COL24A1: variants seen among roughly 807,000 people sequenced by gnomAD.
COL24A1 encodes the protein collagen type XXIV alpha 1 chain, also known as collagen alpha-1(XXIV) chain.
Under a neutral mutation model 253.9 loss-of-function variants are expected in COL24A1, and 224 were observed. The ratio of observed to expected loss-of-function variants is 0.88; its 90% CI spans 0.79 to 0.99. The LOEUF is 0.99. COL24A1 is among the 50% of genes least tolerant of loss of function. The probability of loss-of-function intolerance (pLI) is 0.00; values close to 1 mark genes in which losing one functional copy is unlikely to be tolerated. For synonymous variants in COL24A1, 685 were observed against 673.7 expected, an observed-to-expected ratio of 1.02 and a Z score of -0.26; for missense variants, 2,131 against 2,068.5, an observed-to-expected ratio of 1.03 and a Z score of -0.59.
At position 86,125,117 on chromosome 1, in the gene COL24A1, T is replaced by A. The variant is rs1448025250; in HGVS notation, c.1219A>T (p.Asn407Tyr). 2 of 1,612,610 alleles carry A rather than the reference T, an allele frequency of 1.2e-6. No individual in the cohort carries two copies. The highest frequency in any genetic ancestry group is 4.5e-5 in the East Asian group (2 of 44,820). ...TTTGCTGTGATAGCCTTCTTGAGAT[T>A]AGTAATTGTATCTTGTTTAATTTGT... The part of the protein sequence containing the change: ...LPQIKQDTIT[N>Y]LKKAITANLH... The change falls in exon 3 of 60, where the codon AAT becomes TAT. Residue 407 changes from asparagine (N) to tyrosine (Y), a missense_variant. Physicochemically the swap from Asn to Tyr is moderately radical, Grantham distance 143 (BLOSUM62 -2). Transcript: ENST00000370571.
intron 20 of COL24A1, among the ~76,000 whole-genome samples, chr1:85,986,970 T>C (rs1693771858): frequency 6.6e-6 from 1 of 151,896 alleles, no homozygotes; most frequent in Non-Finnish European, 1.5e-5. Context: ...GCTAGGGATA[T>C]TTCCTAGTAT....
Position 85,842,370 on chromosome 1 carries a change from A to C in COL24A1, c.3486T>G (p.Pro1162=). 1.2e-6 allele frequency: 2 copies of C among 1,601,128 alleles called. No homozygotes were observed. Among genetic ancestry groups the C allele is most frequent in the Middle Eastern group, 1.7e-4 (1 of 6,010 alleles). The change falls in exon 40 of 60, where the codon CCT becomes CCG. Residue 1162 remains proline (P), a synonymous_variant. Coordinates refer to ENST00000370571, the MANE Select transcript of COL24A1 (RefSeq NM_152890.7). ...GAVGHLGLMG[P]DGEPGIPGYR... is the part of the protein sequence containing the mutation. ...ACCCTGGAATTCCTGGTTCTCCATC[A>C]GGTCCCATCAATCCTAAATGTCCCT...
chr1:85,822,945 C>T (rs1404484669), intron 45 of COL24A1, among the ~76,000 whole-genome samples: 2 of 152,072 alleles, frequency 1.3e-5, no homozygotes, highest in African/African-American at 4.8e-5. Flanking sequence ...TTCCCCTGGC[C>T]CCTGGTGTTT....
intron 5 of COL24A1, among the ~76,000 whole-genome samples, chr1:86,102,703 T>C (rs1206119865): frequency 6.6e-6 from 1 of 152,228 alleles, no homozygotes; most frequent in Non-Finnish European, 1.5e-5. Flanking sequence ...GCAATTTTCT[T>C]AGCCTGGATT....
chr1:86,077,795 A>C (rs576976935), intron 7 of COL24A1, among the ~76,000 whole-genome samples: 1 of 151,954 alleles, frequency 6.6e-6, no homozygotes, highest in Non-Finnish European at 1.5e-5. Flanking sequence ...CAATGAGAAC[A>C]CATGGACACA....
intron 24 of COL24A1, among the ~76,000 whole-genome samples, chr1:85,935,087 T>C (rs1237644856): frequency 6.6e-6 from 1 of 152,114 alleles, no homozygotes. Context: ...TTTAAAACTC[T>C]CTCCTAATAT....
intron 7 of COL24A1, among the ~76,000 whole-genome samples, chr1:86,078,547 C>T (rs868080373): frequency 6.6e-6 from 1 of 152,122 alleles, no homozygotes. Context: ...GAAGTTATAG[C>T]TGGTAAAACC....
chr1:85,933,015 C>T (rs1687906836), intron 24 of COL24A1, among the ~76,000 whole-genome samples: 1 of 130,296 alleles, frequency 7.7e-6, no homozygotes, highest in Admixed American at 8.2e-5. Context: ...TGCAGCGCAC[C>T]AGCATGGCAC....
chr1:85,879,716 G>A (rs559114454), intron 32 of COL24A1, among the ~76,000 whole-genome samples: 1 of 152,264 alleles, frequency 6.6e-6, no homozygotes, highest in African/African-American at 2.4e-5. Context: ...ATTCTTAAGT[G>A]GAAGTAGAGC....
chr1:86,020,580 ACT>A (rs1327297888), intron 18 of COL24A1, among the ~76,000 whole-genome samples: 1 of 151,980 alleles, frequency 6.6e-6, no homozygotes, highest in Non-Finnish European at 1.5e-5. Context: ...ACGATACTTG[ACT>A]CTAGTTTTCT....
chr1:85,845,035 G>C (rs968563031), intron 39 of COL24A1, among the ~76,000 whole-genome samples: 1 of 151,828 alleles, frequency 6.6e-6, no homozygotes, highest in South Asian at 2.1e-4. Flanking sequence ...ATGGAATGAA[G>C]AAATAGGCCT....
chr1:86,005,401 A>G (rs1349423196), intron 19 of COL24A1, among the ~76,000 whole-genome samples: 1 of 152,084 alleles, frequency 6.6e-6, no homozygotes, highest in East Asian at 1.9e-4. Context: ...TCACCATGCA[A>G]TGAAACCAGA....
rs1199186825 is a variant in COL24A1, at chr1:85,741,073, C to G, written c.4673-3568G>C. ...GGCGGAGGTTGCAGTGAGCCGAGATCGAGCCACTGCACTCCAGCCTAGGCA... is the reference window on the plus strand; with the variant it reads ...GGCGGAGGTTGCAGTGAGCCGAGATGGAGCCACTGCACTCCAGCCTAGGCA... On this transcript the variant is annotated intron_variant, in intron 57 of 59. Transcript: ENST00000370571. Among the ~76,000 whole-genome samples the G allele has an allele frequency of 6.1e-5, 9 of 147,152 alleles. No homozygotes were observed. The South Asian group carries it at 1.7e-3, about 28-fold the overall frequency.
At chr1:85,970,668 A>G (rs1447176456) in intron 21 of COL24A1, among the ~76,000 whole-genome samples, 1 of 152,216 alleles carries the variant, frequency 6.6e-6, no homozygotes, top group Non-Finnish European at 1.5e-5. Flanking sequence ...AGACCTCCCT[A>G]GAATCATATA....
Position 85,770,572 on chromosome 1 carries a change from TA to T in COL24A1, c.4374+5101del, listed in dbSNP as rs541858809. Reference sequence around the variant, plus strand: ...TGTGAGATGAATATGTTAATTTGCTTAAAAAATTACTTATAATCAAATTACT... The same window carrying T: ...TGTGAGATGAATATGTTAATTTGCTTAAAAATTACTTATAATCAAATTACT... On this transcript the variant is annotated intron_variant, in intron 53 of 59. Coordinates refer to ENST00000370571, the MANE Select transcript of COL24A1 (RefSeq NM_152890.7). Among the ~76,000 whole-genome samples, 364 of 152,284 alleles carry T rather than the reference TA, an allele frequency of 2.4e-3. 1 individual carries two copies. The highest frequency in any genetic ancestry group is 6.9e-3 in the African/African-American group (287 of 41,548).
chr1:86,092,237 C>T, intron 6 of COL24A1, 30 bp downstream of exon 6: 1 of 1,505,154 alleles, frequency 6.6e-7, no homozygotes. Context: ...AATATATTAC[C>T]ATAATTTCAT....
intron 58 of COL24A1, among the ~76,000 whole-genome samples, chr1:85,735,920 GA>G (rs1418097181): frequency 1.3e-5 from 2 of 151,630 alleles, no homozygotes; most frequent in East Asian, 3.9e-4. Context: ...AAAACAGAAA[GA>G]AAAAACAAAA....
In COL24A1 at chr1:86,063,766, A is replaced by G. The variant is rs1418069837; in HGVS notation, c.1708-7T>C. 8 of 1,534,934 alleles carry G rather than the reference A, an allele frequency of 5.2e-6. No homozygotes were observed. Among genetic ancestry groups the G allele is most frequent in the Non-Finnish European group, 6.1e-6 (7 of 1,140,190 alleles). Reference sequence around the variant, plus strand: ...CAGGATGTCCTTTGAGACCCTGTAAAAGAATAAGTGGAGACATGCTATGAA... The same window carrying G: ...CAGGATGTCCTTTGAGACCCTGTAAGAGAATAAGTGGAGACATGCTATGAA... On this transcript the variant is annotated splice_region_variant and splice_polypyrimidine_tract_variant and intron_variant, in intron 7 of 59. Transcript: ENST00000370571.
rs550507283 is a variant in COL24A1, at chr1:85,885,160, T to G, written c.2976+4400A>C. The stretch of plus-strand genomic sequence containing the variant: ...TTTCTTGTTTTGAGGATGGGAGTGA[T>G]GACTTCCAAATTCCTTACATTTCAT... On this transcript the variant is annotated intron_variant, in intron 32 of 59. Coordinates refer to ENST00000370571, the MANE Select transcript of COL24A1 (RefSeq NM_152890.7). Among the ~76,000 whole-genome samples, 5 of 151,702 alleles carry G rather than the reference T, an allele frequency of 3.3e-5. No homozygotes were observed. In the East Asian group the frequency reaches 9.7e-4, roughly 29 times the overall value.
Sources: allele counts gnomAD v4.1 joint callset (sites outside exome capture counted in the v4.1 genomes callset), GRCh38; gene constraint gnomAD v4.1.1; transcripts MANE v1.5; gene names NCBI Gene and HGNC (gene_info 2026-07-23, HGNC 2026-07-21).